The following ROBO2 variants were observed in gnomAD, a reference collection of about 807,000 sequenced individuals.
ROBO2 encodes the protein roundabout guidance receptor 2.
A neutral mutation model predicts 160.8 loss-of-function variants in ROBO2; 53 were observed. The ratio of observed to expected loss-of-function variants is 0.33; its 90% confidence interval spans 0.26 to 0.41. The LOEUF (loss-of-function observed/expected upper bound fraction) is 0.41, where lower values mean the gene tolerates loss of function less well. ROBO2 is among the 10% of genes least tolerant of loss of function. The pLI is 1.00. For missense variants in ROBO2, 1,577 were observed against 1,722.4 expected (o/e 0.92, Z 1.49); for synonymous variants, 664 against 611.7 (o/e 1.09, Z -1.26).
In ROBO2 at chr3:76,454,071, G is replaced by C. The variant is rs147113760; in HGVS notation, c.109+516469G>C. ...ATTGATGCAGAAGAGATGTCTTTCA[G>C]CAAATTTGGTTAATATTATTCATCT... On this transcript the variant is annotated intron_variant, in intron 2 of 26. Transcript: ENST00000487694. 2.3e-3 allele frequency among the ~76,000 whole-genome samples: 354 copies of C among 152,168 alleles called. 2 individuals are homozygous for C. The highest frequency in any genetic ancestry group is 6.7e-3 in the African/African-American group (280 of 41,520).
intron 2 of ROBO2, among the ~76,000 whole-genome samples, chr3:77,270,254 G>A (rs2059401282): frequency 6.6e-6 from 1 of 152,144 alleles, no homozygotes; most frequent in African/African-American, 2.4e-5. Context: ...ATGGCTGTTG[G>A]CTTATTCTTT....
At chr3:77,205,068 G>A (rs1041520678) in intron 2 of ROBO2, among the ~76,000 whole-genome samples, 2 of 152,152 alleles carry the variant, frequency 1.3e-5, no homozygotes, top group Non-Finnish European at 2.9e-5. Flanking sequence ...GATGCCTGGG[G>A]CTCCAGTGTT....
At chr3:76,108,588 G>T (rs2070060295) in intron 2 of ROBO2, among the ~76,000 whole-genome samples, 1 of 151,558 alleles carries the variant, frequency 6.6e-6, no homozygotes. Flanking sequence ...TTAAAAGTGG[G>T]ATGTAAGGTC....
intron 2 of ROBO2, among the ~76,000 whole-genome samples, chr3:76,119,916 C>CCCTTCCTTCCTTCCTTCCTTCCTTCCTT (rs551169822): frequency 5.7e-5 from 5 of 88,118 alleles, no homozygotes; most frequent in Non-Finnish European, 1.1e-4. Flanking sequence ...TTCCCTCCCT[C>CCCTTCCTTCCTTCCTTCCTTCCTTCCTT]CCTTCCTTCC....
At chr3:75,918,674 T>C (rs1946908411) in intron 1 of ROBO2, among the ~76,000 whole-genome samples, 1 of 152,146 alleles carries the variant, frequency 6.6e-6, no homozygotes, top group African/African-American at 2.4e-5. Flanking sequence ...GAGGATGGAA[T>C]GTTTCTCTAT....
In ROBO2 at chr3:77,565,062, G is replaced by A. The variant is rs765944341; in HGVS notation, c.1791G>A (p.Ala597=). 7.7e-5 allele frequency: 124 copies of A among 1,613,576 alleles called. No individual in the cohort carries two copies. Among genetic ancestry groups the A allele is most frequent in the South Asian group, 2.7e-4 (25 of 91,076 alleles). ...CAATCTACTTATTCATGGTCAGAGC[G>A]ATCAACCCCCAAGGTCTCAGTGACC... is the stretch of plus-strand genomic sequence containing the variant. Residue 597 remains alanine (A), a synonymous_variant, in exon 12 of 26, where the codon GCG becomes GCA. Transcript: ENST00000461745.
At chr3:76,978,211 T>A (rs1248392131) in intron 2 of ROBO2, among the ~76,000 whole-genome samples, 1 of 152,202 alleles carries the variant, frequency 6.6e-6, no homozygotes, top group African/African-American at 2.4e-5. Flanking sequence ...AGAGTACATA[T>A]TCAAGGCTCT....
At chr3:77,291,258 G>A (rs535719707) in intron 2 of ROBO2, among the ~76,000 whole-genome samples, 19 of 152,122 alleles carry the variant, frequency 1.2e-4, no homozygotes, top group East Asian at 3.9e-4. Context: ...ACGGTTAAAC[G>A]GGTAAGCTGA....
chr3:76,076,564 C>T lies in ROBO2; in HGVS notation c.109+138962C>T, dbSNP rs536353476. On this transcript the variant is annotated intron_variant, in intron 2 of 26. Transcript: ENST00000487694. ...CTAGTAATTAACAGTATTTAACCTGCGTAAAGTCTTTTATGCAAGCTATAA... is the reference window on the plus strand; with the variant it reads ...CTAGTAATTAACAGTATTTAACCTGTGTAAAGTCTTTTATGCAAGCTATAA... 4.3e-4 allele frequency among the ~76,000 whole-genome samples: 66 copies of T among 152,190 alleles called. 1 individual carries two copies. The highest frequency in any genetic ancestry group is 9.8e-4 in the Admixed American group (15 of 15,284).
intron 1 of ROBO2, among the ~76,000 whole-genome samples, chr3:75,921,155 G>T (rs1418538184): frequency 6.6e-6 from 1 of 151,994 alleles, no homozygotes; most frequent in African/African-American, 2.4e-5. Context: ...GTGTGTTTTT[G>T]CAGTGGCTGG....
chr3:77,578,160 T>C (rs774992963), intron 15 of ROBO2, among the ~76,000 whole-genome samples: 25 of 152,192 alleles, frequency 1.6e-4, no homozygotes, highest in Non-Finnish European at 2.8e-4. Context: ...GAAAAAACAG[T>C]TGATTGTCTC....
chr3:76,304,891 G>T lies in ROBO2; in HGVS notation c.109+367289G>T, dbSNP rs189837206. Among the ~76,000 whole-genome samples, 35 of 150,876 alleles carry T rather than the reference G, an allele frequency of 2.3e-4. No homozygotes were observed. In the East Asian group the frequency reaches 6.1e-3, roughly 26 times the overall value. ...TTCTCGATGTATATATGCACCACTG[G>T]GCCCTTTCCAGCACTCAAGCGGGGT... On this transcript the variant is annotated intron_variant, in intron 2 of 26. Transcript: ENST00000487694.
intron 21 of ROBO2, 141 bp downstream of exon 22, chr3:77,608,095 G>A: frequency 2.7e-6 from 2 of 748,374 alleles, no homozygotes; most frequent in South Asian, 1.6e-5. Context: ...CTCTTTCATT[G>A]TTTGCACTGT....
intron 2 of ROBO2, among the ~76,000 whole-genome samples, chr3:76,410,736 C>T (rs746141624): frequency 6.1e-4 from 93 of 152,174 alleles, no homozygotes; most frequent in Non-Finnish European, 1.1e-3. Flanking sequence ...AATGTCAGCT[C>T]TAAGATATAT....
At chr3:76,779,514 C>T (rs1297720471) in intron 2 of ROBO2, among the ~76,000 whole-genome samples, 1 of 150,882 alleles carries the variant, frequency 6.6e-6, no homozygotes, top group African/African-American at 2.4e-5. Context: ...ATTTTTCCCT[C>T]CCCAAGCACC....
chr3:77,164,518 C>G (rs1271106490), intron 2 of ROBO2, among the ~76,000 whole-genome samples: 1 of 144,416 alleles, frequency 6.9e-6, no homozygotes, highest in Non-Finnish European at 1.5e-5. Context: ...GCCAGCCGTG[C>G]TGTCCGGGAG....
intron 2 of ROBO2, among the ~76,000 whole-genome samples, chr3:76,789,877 C>T (rs2063239168): frequency 6.6e-6 from 1 of 151,672 alleles, no homozygotes; most frequent in African/African-American, 2.4e-5. Context: ...TAGTTCCCTA[C>T]ATCATACAAC....
At chr3:76,281,609 T>C (rs976160017) in intron 2 of ROBO2, among the ~76,000 whole-genome samples, 2 of 144,074 alleles carry the variant, frequency 1.4e-5, no homozygotes, top group Non-Finnish European at 3.0e-5. Flanking sequence ...TGTGTGACTT[T>C]TCTTACATCA....
At chr3:76,494,454 T>C (rs1017125981) in intron 2 of ROBO2, among the ~76,000 whole-genome samples, 46 of 152,150 alleles carry the variant, frequency 3.0e-4, no homozygotes, top group Non-Finnish European at 2.9e-5. Flanking sequence ...TGTAGGCAAG[T>C]AACTAAACTA....
Sources: allele counts gnomAD v4.1 joint callset (sites outside exome capture counted in the v4.1 genomes callset), GRCh38; gene constraint gnomAD v4.1.1; transcripts MANE v1.5; gene names NCBI Gene and HGNC (gene_info 2026-07-23, HGNC 2026-07-21).